Variants in SPOCK3 observed in about 807,000 individuals in gnomAD.
The protein encoded by SPOCK3 is testican-3.
A neutral mutation model predicts 56.6 loss-of-function variants in SPOCK3; 30 were observed. The ratio of observed to expected loss-of-function variants is 0.53; its 90% CI spans 0.40 to 0.72. The LOEUF (loss-of-function observed/expected upper bound fraction) is 0.72. Among genes scored for constraint, SPOCK3 ranks in the 30% least tolerant of loss-of-function variants. The pLI is 0.00. For synonymous variants in SPOCK3, 196 were observed against 183.3 expected (o/e 1.07, Z -0.56); for missense variants, 527 against 530.0 (o/e 0.99, Z 0.06).
chr4:167,193,454 A>G (rs1002515585), intron 2 of SPOCK3, among the ~76,000 whole-genome samples: 3 of 145,920 alleles, frequency 2.1e-5, no homozygotes, highest in Non-Finnish European at 3.0e-5. Context: ...TACTTTACAC[A>G]TTTTTATATC....
At position 166,946,260 on chromosome 4, in the gene SPOCK3, C is replaced by G. The variant is rs534182126; in HGVS notation, c.351-33517G>C. ...CTCAAAACATAACTCAGGCCATATA[C>G]TCCTTTGTTTAAGACCCTGCAATGG... On this transcript the variant is annotated intron_variant, in intron 4 of 10. Coordinates refer to ENST00000357545, the MANE Select transcript of SPOCK3 (RefSeq NM_001040159.2). 2.0e-5 allele frequency among the ~76,000 whole-genome samples: 3 copies of G among 152,264 alleles called. No homozygotes were observed. The South Asian group carries it at 6.2e-4, about 32-fold the overall frequency.
intron 2 of SPOCK3, among the ~76,000 whole-genome samples, chr4:167,168,022 C>A (rs1730145017): frequency 1.3e-5 from 2 of 152,126 alleles, no homozygotes; most frequent in African/African-American, 4.8e-5. Context: ...AGTTCCCCTG[C>A]ACAAGCTCTC....
chr4:167,234,019 T>C lies in SPOCK3; in HGVS notation c.155A>G (p.Asp52Gly). 1.2e-6 allele frequency: 2 copies of C among 1,613,958 alleles called. No individual in the cohort carries two copies. The highest frequency in any genetic ancestry group is 2.2e-5 in the East Asian group (1 of 44,826). Residue 52 changes from aspartate (D) to glycine (G), a missense_variant, in exon 2 of 11, where the codon GAC (aspartate) becomes GGC (glycine). Coordinates refer to ENST00000357545, the MANE Select transcript of SPOCK3 (RefSeq NM_001040159.2). ...TTTGTTCCACTGTCCGACTTCCTTG[T>C]CATACTGAGAGATTGTGGTGAGCCA... ...KQWLTTISQY[D>G]KEVGQWNKFR...
chr4:166,960,954 T>C lies in SPOCK3; in HGVS notation c.350+39395A>G, dbSNP rs1744074355. Among the ~76,000 whole-genome samples, 6 of 152,184 alleles carry C rather than the reference T, an allele frequency of 3.9e-5. 1 individual carries two copies. In the South Asian group the frequency reaches 1.2e-3, roughly 31 times the overall value. On this transcript the variant is annotated intron_variant, in intron 4 of 10. Coordinates refer to ENST00000357545, the MANE Select transcript of SPOCK3 (RefSeq NM_001040159.2). ...AGATAATTAGATCCAACAAAGCTTG[T>C]AGATTAGATTAGAGATGACCATTAC...
intron 2 of SPOCK3, among the ~76,000 whole-genome samples, chr4:167,142,372 C>T (rs1763607366): frequency 6.6e-6 from 1 of 151,656 alleles, no homozygotes; most frequent in Non-Finnish European, 1.5e-5. Flanking sequence ...CATCATCATG[C>T]TTTTATGGTA....
At chr4:167,027,092 T>C (rs1191799712) in intron 3 of SPOCK3, among the ~76,000 whole-genome samples, 1 of 152,006 alleles carries the variant, frequency 6.6e-6, no homozygotes, top group Non-Finnish European at 1.5e-5. Context: ...TAATTTATCC[T>C]TGACATTTTT....
intron 7 of SPOCK3, among the ~76,000 whole-genome samples, chr4:166,778,891 G>T (rs1448781700): frequency 6.6e-6 from 1 of 151,832 alleles, no homozygotes; most frequent in Non-Finnish European, 1.5e-5. Flanking sequence ...CAATAACACT[G>T]GTAGAAAAAA....
chr4:166,885,768 A>G (rs958515581), intron 6 of SPOCK3, among the ~76,000 whole-genome samples: 2 of 152,210 alleles, frequency 1.3e-5, no homozygotes, highest in African/African-American at 2.4e-5. Context: ...TTAAATTTTA[A>G]GAGGTTAGAT....
intron 3 of SPOCK3, among the ~76,000 whole-genome samples, chr4:167,007,062 T>C (rs1378090254): frequency 1.3e-5 from 2 of 152,212 alleles, no homozygotes; most frequent in African/African-American, 4.8e-5. Flanking sequence ...CAGAGCCTTC[T>C]TCCAAGGAGT....
At chr4:167,219,878 T>C (rs911725562) in intron 2 of SPOCK3, among the ~76,000 whole-genome samples, 6 of 152,168 alleles carry the variant, frequency 3.9e-5, no homozygotes, top group African/African-American at 1.4e-4. Flanking sequence ...TGTTCAGTGT[T>C]ATTGTTCATA....
At chr4:167,055,537 C>G (rs1273199200) in intron 3 of SPOCK3, among the ~76,000 whole-genome samples, 1 of 152,148 alleles carries the variant, frequency 6.6e-6, no homozygotes, top group East Asian at 1.9e-4. Context: ...TCAGGGAGTT[C>G]CCTTTCCTAG....
At chr4:166,877,424 A>G (rs1168018684) in intron 6 of SPOCK3, among the ~76,000 whole-genome samples, 1 of 152,196 alleles carries the variant, frequency 6.6e-6, no homozygotes, top group East Asian at 1.9e-4. Flanking sequence ...GAGTTCCATT[A>G]CAGAAAATAA....
chr4:167,023,504 A>C (rs1015089540), intron 3 of SPOCK3, among the ~76,000 whole-genome samples: 1 of 152,052 alleles, frequency 6.6e-6, no homozygotes, highest in African/African-American at 2.4e-5. Context: ...AGTTGTTGGC[A>C]AAGAGTAAGG....
At position 166,889,128 on chromosome 4, in the gene SPOCK3, A is replaced by G; in HGVS notation, c.589+2T>C. ...AATTATAAATATATTTTTGTCACTT[A>G]CCTCTCTTAACATTTCTGCTTGTAC... On this transcript the variant is annotated splice_donor_variant, in intron 6 of 10. Coordinates refer to ENST00000357545, the MANE Select transcript of SPOCK3 (RefSeq NM_001040159.2). LOFTEE classifies it high-confidence loss of function. 1 of 1,563,570 alleles carries G rather than the reference A, an allele frequency of 6.4e-7. No individual in the cohort carries two copies. The highest frequency in any genetic ancestry group is 2.2e-5 in the East Asian group (1 of 44,488).
intron 2 of SPOCK3, among the ~76,000 whole-genome samples, chr4:167,120,647 G>C (rs1348738746): frequency 6.6e-6 from 1 of 151,936 alleles, no homozygotes; most frequent in Non-Finnish European, 1.5e-5. Context: ...TTGAATTTAG[G>C]ATTTGTGGCT....
At chr4:166,885,917 T>C (rs1300318632) in intron 6 of SPOCK3, among the ~76,000 whole-genome samples, 1 of 152,160 alleles carries the variant, frequency 6.6e-6, no homozygotes, top group East Asian at 1.9e-4. Context: ...TGGAGCACTT[T>C]AGATGTGTCA....
At chr4:166,807,561 A>C (rs62355253) in intron 6 of SPOCK3, among the ~76,000 whole-genome samples, 22,149 of 152,006 alleles carry the variant, frequency 0.15, 1,872 homozygotes, top group African/African-American at 0.22. Flanking sequence ...ATTTTATTCA[A>C]TGATGTGAAG....
chr4:167,103,584 C>G (rs912877395), intron 2 of SPOCK3, among the ~76,000 whole-genome samples: 4 of 152,068 alleles, frequency 2.6e-5, no homozygotes, highest in Non-Finnish European at 5.9e-5. Context: ...AATAGCACAC[C>G]AGGTAGATTT....
chr4:167,046,636 T>A (rs1753760114), intron 3 of SPOCK3, among the ~76,000 whole-genome samples: 1 of 151,604 alleles, frequency 6.6e-6, no homozygotes, highest in Non-Finnish European at 1.5e-5. Context: ...TTTATGTTTT[T>A]TAGTAGAGAT....
Sources: allele counts gnomAD v4.1 joint callset (sites outside exome capture counted in the v4.1 genomes callset), GRCh38; gene constraint gnomAD v4.1.1; transcripts MANE v1.5; gene names NCBI Gene and HGNC (gene_info 2026-07-23, HGNC 2026-07-21).